Variants in PTK2B observed in about 807,000 individuals in gnomAD.
PTK2B encodes protein-tyrosine kinase 2-beta.
In PTK2B, 71 loss-of-function variants were observed where a neutral mutation model predicts 142.9. The ratio of observed to expected loss-of-function variants is 0.50; its 90% confidence interval spans 0.41 to 0.61. The LOEUF is 0.61. Among genes scored for constraint, PTK2B ranks in the 20% least tolerant of loss-of-function variants. The pLI, the probability that PTK2B is intolerant of heterozygous loss-of-function variation, is 0.00. For missense variants in PTK2B, 1,105 were observed against 1,320.4 expected (o/e 0.84, Z 2.53); for synonymous variants, 519 against 503.4 (o/e 1.03, Z -0.42).
intron 1 of PTK2B, among the ~76,000 whole-genome samples, chr8:27,387,565 G>T (rs1005729270): frequency 6.6e-6 from 1 of 152,134 alleles, no homozygotes; most frequent in Admixed American, 6.5e-5. Flanking sequence ...CTTGTTGAAT[G>T]CCCTTGCCCT....
In PTK2B at chr8:27,397,762, A is replaced by C. The variant is rs1173106679; in HGVS notation, c.178A>C (p.Lys60Gln). Reference protein sequence around the residue: ...FNPGKNFKLVKCTVQTEIREI... With the variant: ...FNPGKNFKLVQCTVQTEIREI... ...TCCTGGGAAAAACTTCAAACTGGTC[A>C]AATGCACTGTCCAGACGGAGATCCG... Residue 60 changes from lysine (K) to glutamine (Q), a missense_variant, in exon 2 of 31, where the codon AAA becomes CAA. Physicochemically the swap from Lys to Gln is moderately conservative, Grantham distance 53 (BLOSUM62 1). Transcript: ENST00000346049. 1 of 1,614,244 alleles carries C rather than the reference A, an allele frequency of 6.2e-7. No homozygotes were observed. Among genetic ancestry groups the C allele is most frequent in the Admixed American group, 1.7e-5 (1 of 60,036 alleles).
intron 5 of PTK2B, among the ~76,000 whole-genome samples, chr8:27,425,653 T>G (rs574265701): frequency 1.3e-5 from 2 of 152,310 alleles, no homozygotes; most frequent in East Asian, 3.9e-4. Context: ...TAGTTTACAT[T>G]AGGGTTCACT....
chr8:27,422,906 C>T (rs996322114), intron 5 of PTK2B, among the ~76,000 whole-genome samples: 1 of 152,078 alleles, frequency 6.6e-6, no homozygotes, highest in Non-Finnish European at 1.5e-5. Flanking sequence ...GAGGATGGCA[C>T]CAACTTCCAT....
At chr8:27,325,711 C>G (rs919099581) in intron 1 of PTK2B, 30 bp downstream of exon 1, 2 of 152,226 alleles carry the variant, frequency 1.3e-5, no homozygotes, top group African/African-American at 4.8e-5. Context: ...CAGGGCTGAG[C>G]GCTGCGCCCG....
chr8:27,454,779 G>A (rs533566236), intron 30 of PTK2B, among the ~76,000 whole-genome samples, 168 bp downstream of exon 30: 1 of 152,270 alleles, frequency 6.6e-6, no homozygotes, highest in African/African-American at 2.4e-5. Flanking sequence ...AGGGCTGAGA[G>A]GGCACCCAGG....
chr8:27,419,807 G>A (rs907771008), intron 2 of PTK2B, 88 bp from the exon 3 acceptor site: 5 of 1,423,096 alleles, frequency 3.5e-6, no homozygotes, highest in Non-Finnish European at 2.9e-6. Flanking sequence ...TCCCACCCTA[G>A]AGAATCCCAC....
At chr8:27,430,699 G>A (rs1191529845) in intron 7 of PTK2B, among the ~76,000 whole-genome samples, 177 bp from the exon 8 acceptor site, 1 of 152,192 alleles carries the variant, frequency 6.6e-6, no homozygotes, top group Non-Finnish European at 1.5e-5. Flanking sequence ...TAGGGTTACG[G>A]GGAGTCTCCC....
At position 27,440,413 on chromosome 8, in the gene PTK2B, C is replaced by T. The variant is rs369239201; in HGVS notation, c.2011C>T (p.Arg671Cys). ...GGACTACGACCCCAGTGACCGGCCCCGCTTCACCGAGCTGGTGTGCAGCCT... is the reference window on the plus strand; with the variant it reads ...GGACTACGACCCCAGTGACCGGCCCTGCTTCACCGAGCTGGTGTGCAGCCT... ...CWDYDPSDRP[R>C]FTELVCSLSD... is the part of the protein sequence containing the mutation. Residue 671 changes from arginine (R) to cysteine (C), a missense_variant, in exon 21 of 31, where the codon CGC becomes TGC. Transcript: ENST00000346049. 36 of 1,613,904 alleles carry T rather than the reference C, an allele frequency of 2.2e-5. No homozygotes were observed. The highest frequency in any genetic ancestry group is 2.5e-5 in the Non-Finnish European group (30 of 1,180,022).
At chr8:27,422,433 G>T in intron 5 of PTK2B, 50 bp downstream of exon 5, 1 of 1,489,396 alleles carries the variant, frequency 6.7e-7, no homozygotes, top group African/African-American at 1.4e-5. Flanking sequence ...TGAGCTCTGG[G>T]CAGGCCCGAC....
At chr8:27,378,869 G>A (rs762848697) in intron 1 of PTK2B, among the ~76,000 whole-genome samples, 2 of 152,158 alleles carry the variant, frequency 1.3e-5, no homozygotes, top group Non-Finnish European at 2.9e-5. Context: ...TGGTGAGGCT[G>A]TGGAGAAGTG....
upstream of PTK2B, among the ~76,000 whole-genome samples, chr8:27,320,980 C>CTTTTTTTT (rs776395346): frequency 0.014 from 535 of 39,388 alleles, 181 homozygotes; most frequent in African/African-American, 0.043. Context: ...ATACAAAAGG[C>CTTTTTTTT]TTTTTTTTTT....
At chr8:27,420,925 T>G (rs1321133734) in intron 4 of PTK2B, among the ~76,000 whole-genome samples, 181 bp downstream of exon 4, 1 of 152,168 alleles carries the variant, frequency 6.6e-6, no homozygotes, top group African/African-American at 2.4e-5. Context: ...TGCTTTTCTC[T>G]CAGTATTTAA....
At chr8:27,383,602 G>A (rs1371601046) in intron 1 of PTK2B, among the ~76,000 whole-genome samples, 4 of 151,970 alleles carry the variant, frequency 2.6e-5, no homozygotes, top group Non-Finnish European at 4.4e-5. Context: ...CCATCATAAA[G>A]GTCTTTCTTG....
intron 1 of PTK2B, among the ~76,000 whole-genome samples, chr8:27,331,656 C>A (rs1397178878): frequency 6.7e-6 from 1 of 150,028 alleles, no homozygotes; most frequent in East Asian, 1.9e-4. Flanking sequence ...CTGGCTAATT[C>A]TTTTATTTTT....
intron 1 of PTK2B, among the ~76,000 whole-genome samples, chr8:27,374,937 C>G (rs185000098): frequency 6.6e-6 from 1 of 152,316 alleles, no homozygotes; most frequent in Admixed American, 6.5e-5. Flanking sequence ...TGCTGTAAAT[C>G]TAATAGCATA....
chr8:27,339,527 A>T (rs1804267746), intron 1 of PTK2B, among the ~76,000 whole-genome samples: 2 of 152,234 alleles, frequency 1.3e-5, no homozygotes, highest in African/African-American at 4.8e-5. Context: ...AAGAGGAAGA[A>T]TACTGGGCAA....
upstream of PTK2B, chr8:27,325,344 C>T (rs1803345113): frequency 6.6e-6 from 1 of 152,226 alleles, no homozygotes; most frequent in Non-Finnish European, 1.5e-5. Flanking sequence ...CCGAGGATCC[C>T]ATTTGCGGCC....
Position 27,459,037 on chromosome 8 carries a change from T to G in PTK2B, c.*528T>G, listed in dbSNP as rs1378686583. The G allele has an allele frequency of 3.9e-6, 1 of 259,206 alleles. No homozygotes were observed. The highest frequency in any genetic ancestry group is 7.6e-6 in the Non-Finnish European group (1 of 132,180). 16.1% of individuals were successfully genotyped at this position (259,206 alleles called of 1,614,324 possible). A position where few individuals can be genotyped will look rare whatever the true frequency, so the allele number is the denominator to read the frequency against. ...TGAAATTTATTTAATGTGAGTTTGGTCTGGACTGACAGCATGTGCCCTCCT... is the reference window on the plus strand; with the variant it reads ...TGAAATTTATTTAATGTGAGTTTGGGCTGGACTGACAGCATGTGCCCTCCT... On this transcript the variant is annotated 3_prime_UTR_variant, in exon 31 of 31. Coordinates refer to ENST00000346049, the MANE Select transcript of PTK2B (RefSeq NM_173176.3).
Position 27,346,404 on chromosome 8 carries a change from G to A in PTK2B, c.-38+20723G>A, listed in dbSNP as rs1046118963. 6.6e-5 allele frequency among the ~76,000 whole-genome samples: 10 copies of A among 152,242 alleles called. No homozygotes were observed. The East Asian group carries it at 1.9e-3, about 29-fold the overall frequency. On this transcript the variant is annotated intron_variant, in intron 1 of 30. Coordinates refer to ENST00000346049, the MANE Select transcript of PTK2B (RefSeq NM_173176.3). ...AAATACAAAATACGAAAATTAGCCT[G>A]GTGTGGGGGCACACGCCTGTAGTCC... is the stretch of plus-strand genomic sequence containing the variant.
Sources: allele counts gnomAD v4.1 joint callset (sites outside exome capture counted in the v4.1 genomes callset), GRCh38; gene constraint gnomAD v4.1.1; transcripts MANE v1.5; gene names NCBI Gene and HGNC (gene_info 2026-07-23, HGNC 2026-07-21).